FLII: variants seen among roughly 807,000 people sequenced by gnomAD.
FLII encodes FLII actin remodeling protein, also known as protein flightless-1 homolog.
A neutral mutation model predicts 156.2 loss-of-function variants in FLII; 101 were observed. That is an observed-to-expected ratio of 0.65 (90% CI 0.55 to 0.76). The LOEUF (loss-of-function observed/expected upper bound fraction) is 0.76, where lower values mean the gene tolerates loss of function less well. FLII is among the 30% of genes least tolerant of loss of function. The pLI, the probability that FLII is intolerant of heterozygous loss-of-function variation, is 0.00. For synonymous variants in FLII, 767 were observed against 685.8 expected (o/e 1.12, Z -1.85); for missense variants, 1,675 against 1,682.8 (o/e 1.00, Z 0.08).
upstream of FLII, chr17:18,258,800 C>T (rs2048509550): frequency 1.6e-6 from 1 of 642,844 alleles, no homozygotes; most frequent in Non-Finnish European, 2.1e-6. The surrounding 1 kb of genome is among the most constrained non-coding windows in gnomAD (Gnocchi z 4.2). Flanking sequence ...AACCCGCCCG[C>T]GCCCGCCGCA....
In FLII at chr17:18,247,265, G is replaced by C; in HGVS notation, c.2580C>G (p.Ser860=). The C allele has an allele frequency of 6.2e-7, 1 of 1,611,674 alleles. No individual in the cohort carries two copies. Among genetic ancestry groups the C allele is most frequent in the Non-Finnish European group, 8.5e-7 (1 of 1,179,716 alleles). Residue 860 remains serine, a synonymous_variant, in exon 21 of 30, where the codon TCC becomes TCG. Transcript: ENST00000327031. ...TCTCGGCGTCGCGTTTCACCTTCCC[G>C]GAGAGACCCGGGCTCTGCAGCACGG... is the stretch of plus-strand genomic sequence containing the variant. ...AEAVLQSPGL[S]GKVKRDAEKK...
chr17:18,254,745 C>T (rs189583634), intron 5 of FLII, 24 bp downstream of exon 5: 4 of 1,613,872 alleles, frequency 2.5e-6, no homozygotes, highest in Non-Finnish European at 3.4e-6. Flanking sequence ...CCCACCTGCC[C>T]CCTGCCCCCC....
At position 18,244,926 on chromosome 17, in the gene FLII, C is replaced by G; in HGVS notation, c.*212G>C. Reference sequence around the variant, plus strand: ...AGCGGAAGAGTGAGGGGGCTTCACACGTGCACTCACACTGTGGAGAGAGTT... The same window carrying G: ...AGCGGAAGAGTGAGGGGGCTTCACAGGTGCACTCACACTGTGGAGAGAGTT... On this transcript the variant is annotated 3_prime_UTR_variant, in exon 30 of 30. Transcript: ENST00000327031. 1.7e-6 allele frequency: 1 copy of G among 596,856 alleles called. No individual in the cohort carries two copies. The highest frequency in any genetic ancestry group is 3.0e-6 in the Non-Finnish European group (1 of 336,684). The allele number at this position is 596,856 out of a possible 1,614,324, so 37.0% of individuals were successfully genotyped here.
chr17:18,255,713 G>A (rs1567718074), intron 3 of FLII, among the ~76,000 whole-genome samples: 1 of 152,174 alleles, frequency 6.6e-6, no homozygotes, highest in Non-Finnish European at 1.5e-5. Flanking sequence ...GCTTGAGCAT[G>A]AGGGAACAGG....
At chr17:18,247,121 C>CGGGGGGGGGGGGGGGGG in intron 21 of FLII, 48 bp downstream of exon 21, 7 of 1,398,062 alleles carry the variant, frequency 5.0e-6, no homozygotes, top group Non-Finnish European at 6.6e-6. Flanking sequence ...CGCCCTCGGC[C>CGGGGGGGGGGGGGGGGG]TGCCCCCCAC....
At position 18,245,122 on chromosome 17, in the gene FLII, G is replaced by A. The variant is rs1442391797; in HGVS notation, c.*16C>T. The A allele has an allele frequency of 6.2e-7, 1 of 1,604,398 alleles. No individual in the cohort carries two copies. The highest frequency in any genetic ancestry group is 1.1e-5 in the South Asian group (1 of 90,604). The stretch of plus-strand genomic sequence containing the variant: ...CTTCCTCTTCCTCACCAAGCCTGGG[G>A]CTGTGCCAGCCTGTCTTAGGCCAGG... On this transcript the variant is annotated 3_prime_UTR_variant, in exon 30 of 30. Transcript: ENST00000327031.
intron 9 of FLII, 66 bp downstream of exon 9, chr17:18,253,235 T>C (rs1055318892): frequency 1.1e-4 from 176 of 1,559,692 alleles, no homozygotes; most frequent in Non-Finnish European, 1.5e-4. Context: ...CAAGGTGGGC[T>C]CTGACTACGA....
Position 18,251,461 on chromosome 17 carries a change from C to T in FLII, c.1400G>A (p.Arg467Gln), listed in dbSNP as rs543928731. 14 of 1,606,460 alleles carry T rather than the reference C, an allele frequency of 8.7e-6. No homozygotes were observed. Among genetic ancestry groups the T allele is most frequent in the African/African-American group, 5.3e-5 (4 of 74,984 alleles). The change falls in exon 13 of 30, where the codon CGG (arginine) becomes CAG (glutamine). Residue 467 changes from arginine to glutamine, a missense_variant. Coordinates refer to ENST00000327031, the MANE Select transcript of FLII (RefSeq NM_002018.4). ...NKKQEESADA[R>Q]APSGKVRRWD... Reference sequence around the variant, plus strand: ...ACGCCGCACCTTCCCGCTGGGGGCCCGGGCATCTGCGCTCTCCTGGGGGCA... The same window carrying T: ...ACGCCGCACCTTCCCGCTGGGGGCCTGGGCATCTGCGCTCTCCTGGGGGCA...
intron 10 of FLII, 120 bp from the exon 11 acceptor site, chr17:18,252,266 T>A: frequency 1.0e-6 from 1 of 999,570 alleles, no homozygotes; most frequent in Non-Finnish European, 1.5e-6. Context: ...AACTGGGTTC[T>A]CCTCCCACCC....
Position 18,245,438 on chromosome 17 carries a change from A to C in FLII, c.3610-19T>G. The C allele has an allele frequency of 6.2e-7, 1 of 1,613,584 alleles. No individual in the cohort carries two copies. Among genetic ancestry groups the C allele is most frequent in the Non-Finnish European group, 8.5e-7 (1 of 1,179,588 alleles). ...TGTAGACCTGTGGGGGCAGCAGGGG[A>C]GATACGGTTGCATGGGTGCCTGGGA... On this transcript the variant is annotated intron_variant, in intron 28 of 29. Coordinates refer to ENST00000327031, the MANE Select transcript of FLII (RefSeq NM_002018.4).
In FLII at chr17:18,257,020, C is replaced by A. The variant is rs1210011479; in HGVS notation, c.64-1G>T. ...TGACATTCTCAGGGAAGTAGCCGCCCTGGGGGAAGGATGTCAAGGTGAAGC... is the reference window on the plus strand; with the variant it reads ...TGACATTCTCAGGGAAGTAGCCGCCATGGGGGAAGGATGTCAAGGTGAAGC... On this transcript the variant is annotated splice_acceptor_variant, in intron 1 of 29. Coordinates refer to ENST00000327031, the MANE Select transcript of FLII (RefSeq NM_002018.4). LOFTEE classifies it high-confidence loss of function. 2 of 1,596,374 alleles carry A rather than the reference C, an allele frequency of 1.3e-6. No homozygotes were observed. The highest frequency in any genetic ancestry group is 1.7e-6 in the Non-Finnish European group (2 of 1,170,528).
rs1268688715 is a variant in FLII, at chr17:18,244,977, C to T, written c.*161G>A. On this transcript the variant is annotated 3_prime_UTR_variant, in exon 30 of 30. Transcript: ENST00000327031. ...GGATTTCCCAGACCCCTGAGGGCAC[C>T]TGTCAGGGTCATCCCCATTGGTGCT... 8 of 774,576 alleles carry T rather than the reference C, an allele frequency of 1.0e-5. No individual in the cohort carries two copies. The highest frequency in any genetic ancestry group is 1.7e-5 in the African/African-American group (1 of 57,880). The allele number at this position is 774,576 out of a possible 1,614,324, so 48.0% of individuals were successfully genotyped here.
chr17:18,255,110 A>C, intron 4 of FLII, 73 bp downstream of exon 4: 1 of 1,218,858 alleles, frequency 8.2e-7, no homozygotes, highest in South Asian at 1.2e-5. Flanking sequence ...CAATGGCCCC[A>C]GGGACTTTTA....
At chr17:18,254,716 C>T (rs2048366917) in intron 5 of FLII, 34 bp from the exon 6 acceptor site, 1 of 1,613,738 alleles carries the variant, frequency 6.2e-7, no homozygotes, top group African/African-American at 1.3e-5. Context: ...CCTGAGTCAG[C>T]ACCAGCCACC....
Position 18,256,930 on chromosome 17 carries a change from C to T in FLII, c.153G>A (p.Glu51=). 2 of 1,610,270 alleles carry T rather than the reference C, an allele frequency of 1.2e-6. No individual in the cohort carries two copies. The highest frequency in any genetic ancestry group is 1.7e-6 in the Non-Finnish European group (2 of 1,178,392). Residue 51 remains glutamate, a synonymous_variant, in exon 2 of 30, where the codon GAG becomes GAA. Transcript: ENST00000327031. ...NRTGLCYLPE[E]LAALQKLEHL... Reference sequence around the variant, plus strand: ...TTACCAGCTTCTGCAGGGCGGCCAGCTCCTCGGGCAGGTAGCAGAGGCCAG... The same window carrying T: ...TTACCAGCTTCTGCAGGGCGGCCAGTTCCTCGGGCAGGTAGCAGAGGCCAG...
At chr17:18,249,818 C>CA (rs1468842170) in intron 14 of FLII, among the ~76,000 whole-genome samples, 77 of 147,310 alleles carry the variant, frequency 5.2e-4, no homozygotes, top group African/African-American at 1.9e-3. Context: ...AAACAAACAA[C>CA]AACAAAAAAA....
rs761685925 is a variant in FLII at position 18,253,462 on chromosome 17, G to A, written c.856-4C>T. 4 of 1,613,900 alleles carry A rather than the reference G, an allele frequency of 2.5e-6. No homozygotes were observed. The South Asian group carries it at 4.4e-5, about 18-fold the overall frequency. On this transcript the variant is annotated splice_region_variant and splice_polypyrimidine_tract_variant and intron_variant, in intron 8 of 29. Coordinates refer to ENST00000327031, the MANE Select transcript of FLII (RefSeq NM_002018.4). ...TGCTCAGCTTGCAAATGGCTGACTG[G>A]AGGGGGAACGGGCAGGGGTGGGAGG... is the stretch of plus-strand genomic sequence containing the variant.
At chr17:18,247,133 C>CT (rs1172814706) in intron 21 of FLII, 36 bp downstream of exon 21, 1 of 703,374 alleles carries the variant, frequency 1.4e-6, no homozygotes, top group Non-Finnish European at 2.2e-6. Context: ...GCCCCCCACC[C>CT]CCCCCCCCGC....
At chr17:18,250,784 C>T (rs2048237416) in intron 14 of FLII, 54 bp downstream of exon 14, 2 of 1,568,656 alleles carry the variant, frequency 1.3e-6, no homozygotes, top group African/African-American at 1.3e-5. Flanking sequence ...GCCCCTGCAC[C>T]AGAGTTCCCT....
Sources: gnomAD v4.1 joint callset for allele counts (sites outside exome capture counted in the v4.1 genomes callset) on GRCh38, gnomAD v4.1.1 for gene constraint, Gnocchi (gnomAD v3.1) non-coding constraint, MANE v1.5 for transcripts, NCBI Gene and HGNC (gene_info 2026-07-23, HGNC 2026-07-21) for gene names.